CSMD1: variants seen among roughly 807,000 people sequenced by gnomAD.
CSMD1 encodes CUB and sushi domain-containing protein 1.
In CSMD1, 213 loss-of-function variants were observed where a neutral mutation model predicts 417.5. That is an observed-to-expected ratio of 0.51 (90% CI 0.46 to 0.57). CSMD1 has a LOEUF of 0.57. Ranked by LOEUF, CSMD1 falls within the 20% of genes least tolerant of loss-of-function variation. The pLI is 0.00. For missense variants in CSMD1, 6,923 were observed against 4,529.7 expected (o/e 1.53, Z -15.17); for synonymous variants, 2,862 against 1,736.8 (o/e 1.65, Z -16.11).
At chr8:3,775,659 G>A (rs1488334534) in intron 5 of CSMD1, among the ~76,000 whole-genome samples, 6 of 152,118 alleles carry the variant, frequency 3.9e-5, no homozygotes, top group Non-Finnish European at 5.9e-5. Context: ...ATAGATTGTC[G>A]GGGAGAGAGC....
intron 4 of CSMD1, among the ~76,000 whole-genome samples, chr8:4,013,075 C>A (rs1161615668): frequency 1.3e-5 from 2 of 152,118 alleles, no homozygotes; most frequent in Non-Finnish European, 1.5e-5. Context: ...CATAAGTAGC[C>A]AGAGTAATCC....
At chr8:3,306,887 C>T (rs990042432) in intron 25 of CSMD1, among the ~76,000 whole-genome samples, 1 of 151,674 alleles carries the variant, frequency 6.6e-6, no homozygotes, top group Non-Finnish European at 1.5e-5. Context: ...GTTTAAATAA[C>T]TCATCATCAT....
chr8:3,523,292 T>A (rs936793602), intron 10 of CSMD1, among the ~76,000 whole-genome samples: 1 of 152,136 alleles, frequency 6.6e-6, no homozygotes, highest in Non-Finnish European at 1.5e-5. Context: ...AATAACCTAT[T>A]TCTGTAATTA....
chr8:3,456,054 C>T (rs1416838204), intron 12 of CSMD1, among the ~76,000 whole-genome samples: 1 of 152,198 alleles, frequency 6.6e-6, no homozygotes, highest in Non-Finnish European at 1.5e-5. Flanking sequence ...GCTATTTGAT[C>T]TGAGACTGCT....
chr8:4,018,737 C>A (rs139772331), intron 4 of CSMD1, among the ~76,000 whole-genome samples: 3 of 152,126 alleles, frequency 2.0e-5, no homozygotes, highest in African/African-American at 7.2e-5. Flanking sequence ...TAGAAGAGAA[C>A]GGACAGCATG....
At chr8:4,311,369 G>C (rs1032051667) in intron 3 of CSMD1, among the ~76,000 whole-genome samples, 7 of 152,128 alleles carry the variant, frequency 4.6e-5, no homozygotes, top group Non-Finnish European at 8.8e-5. Flanking sequence ...TGGAGCTGGA[G>C]GCCATTATTC....
intron 26 of CSMD1, among the ~76,000 whole-genome samples, chr8:3,257,394 A>G (rs1236930927): frequency 6.6e-6 from 1 of 152,228 alleles, no homozygotes; most frequent in Non-Finnish European, 1.5e-5. Context: ...ATCAATCAAC[A>G]AATTAGGATC....
intron 1 of CSMD1, among the ~76,000 whole-genome samples, chr8:4,831,816 C>A (rs906639311): frequency 1.3e-5 from 2 of 152,114 alleles, no homozygotes; most frequent in East Asian, 1.9e-4. Context: ...ATCTCCCACC[C>A]CCTCCCCTGA....
chr8:4,703,386 G>A (rs979800962), intron 1 of CSMD1, among the ~76,000 whole-genome samples: 5 of 152,102 alleles, frequency 3.3e-5, no homozygotes, highest in South Asian at 4.1e-4. Context: ...AAGAAATAGC[G>A]ATGGACTCAA....
intron 1 of CSMD1, among the ~76,000 whole-genome samples, chr8:4,879,502 C>G (rs925706405): frequency 6.6e-5 from 10 of 151,856 alleles, no homozygotes; most frequent in Admixed American, 1.3e-4. Context: ...ATAACATCTG[C>G]TGTTTATAAG....
At chr8:4,161,331 C>G (rs1186173142) in intron 3 of CSMD1, among the ~76,000 whole-genome samples, 1 of 152,194 alleles carries the variant, frequency 6.6e-6, no homozygotes. Flanking sequence ...AGAATTAGGG[C>G]TAAAATCCCG....
intron 3 of CSMD1, among the ~76,000 whole-genome samples, chr8:4,154,634 T>A (rs1471196203): frequency 6.6e-6 from 1 of 152,126 alleles, no homozygotes; most frequent in Non-Finnish European, 1.5e-5. Context: ...AGTAAAAAGT[T>A]TTAAAAAAGG....
chr8:4,335,346 A>T (rs1229894274), intron 3 of CSMD1, among the ~76,000 whole-genome samples: 1 of 152,146 alleles, frequency 6.6e-6, no homozygotes, highest in Non-Finnish European at 1.5e-5. Context: ...GGAAAGGCAC[A>T]AACATTCAAT....
intron 5 of CSMD1, among the ~76,000 whole-genome samples, chr8:3,893,797 G>A (rs899033951): frequency 6.6e-6 from 1 of 152,036 alleles, no homozygotes; most frequent in African/African-American, 2.4e-5. Context: ...TTCCCCTATA[G>A]AGAGCATGCA....
At chr8:4,105,747 A>C (rs539675669) in intron 3 of CSMD1, among the ~76,000 whole-genome samples, 2 of 152,308 alleles carry the variant, frequency 1.3e-5, no homozygotes, top group African/African-American at 2.4e-5. Context: ...GATCGTAGTA[A>C]ACATAAGCTT....
chr8:3,994,817 A>T (rs967920747), intron 5 of CSMD1, among the ~76,000 whole-genome samples: 1 of 152,214 alleles, frequency 6.6e-6, no homozygotes, highest in African/African-American at 2.4e-5. Flanking sequence ...ATTAAATGAA[A>T]ATAAGGCTAA....
chr8:3,026,343 G>C (rs1040581079), intron 51 of CSMD1, among the ~76,000 whole-genome samples: 2 of 152,110 alleles, frequency 1.3e-5, no homozygotes, highest in African/African-American at 4.8e-5. Flanking sequence ...GACCTCGCTG[G>C]ATCCCACTGG....
At chr8:3,931,930 A>C (rs1313065512) in intron 5 of CSMD1, among the ~76,000 whole-genome samples, 1 of 149,710 alleles carries the variant, frequency 6.7e-6, no homozygotes, top group African/African-American at 2.5e-5. Flanking sequence ...CACAGAACCC[A>C]ATTGTAGCTG....
chr8:4,499,136 A>T (rs563201935), intron 2 of CSMD1, among the ~76,000 whole-genome samples: 98 of 152,340 alleles, frequency 6.4e-4, no homozygotes, highest in African/African-American at 2.1e-3. Context: ...TTAAACCAAG[A>T]TAAAGAAACA....
Sources: gnomAD v4.1 joint callset for allele counts (sites outside exome capture counted in the v4.1 genomes callset) on GRCh38, gnomAD v4.1.1 for gene constraint, MANE v1.5 for transcripts, NCBI Gene and HGNC (gene_info 2026-07-23, HGNC 2026-07-21) for gene names.